Variants in C8orf76 observed in about 807,000 individuals in gnomAD.
C8orf76 encodes the protein chromosome 8 open reading frame 76.
Under a neutral mutation model 38.1 loss-of-function variants are expected in C8orf76, and 46 were observed. The observed-to-expected ratio is 1.21, with a 90% CI of 0.95 to 1.54. C8orf76 has a LOEUF of 1.54. Among genes scored for constraint, C8orf76 ranks in the 40% most tolerant of loss-of-function variants. The probability of loss-of-function intolerance (pLI) is 0.00; values close to 1 mark genes in which losing one functional copy is unlikely to be tolerated. For missense variants in C8orf76, 461 were observed against 441.6 expected (o/e 1.04, Z -0.39); for synonymous variants, 166 against 167.5 (o/e 0.99, Z 0.07).
chr8:123,226,110 T>C (rs1329031660), intron 5 of C8orf76: 12 of 1,017,266 alleles, frequency 1.2e-5, no homozygotes, highest in Admixed American at 6.0e-5. Flanking sequence ...ACAAGTTCTC[T>C]GAGCCTCAAT....
intron 1 of C8orf76, among the ~76,000 whole-genome samples, chr8:123,240,634 C>A (rs1175038232): frequency 6.6e-6 from 1 of 152,208 alleles, no homozygotes. Flanking sequence ...ATTTAGCACT[C>A]CGGGTCTCAG....
At position 123,223,703 on chromosome 8, in the gene C8orf76, T is replaced by G. The variant is rs554907490; in HGVS notation, c.948+2797A>C. The stretch of plus-strand genomic sequence containing the variant: ...ACAATATCCAAAAGGTAGAAACAAC[T>G]CAAGTATCCATCAAAAGATGAGTAG... On this transcript the variant is annotated intron_variant, in intron 5 of 5. Transcript: ENST00000276704. Among the ~76,000 whole-genome samples the G allele has an allele frequency of 2.6e-5, 4 of 152,210 alleles. No homozygotes were observed. In the South Asian group the frequency reaches 8.3e-4, roughly 32 times the overall value.
intron 5 of C8orf76, 84 bp from the exon 6 acceptor site, chr8:123,220,381 T>A (rs2131126977): frequency 1.9e-6 from 2 of 1,037,754 alleles, no homozygotes; most frequent in African/African-American, 1.6e-5. Context: ...AAGGCTTTCA[T>A]TCAAAGGCAG....
chr8:123,226,020 C>T (rs1301094707), intron 5 of C8orf76, among the ~76,000 whole-genome samples: 2 of 152,060 alleles, frequency 1.3e-5, no homozygotes, highest in South Asian at 2.1e-4. Flanking sequence ...CAGGGTAGAG[C>T]AGGAATAAAA....
intron 1 of C8orf76, among the ~76,000 whole-genome samples, chr8:123,240,676 GTA>G (rs1347256711): frequency 6.6e-6 from 1 of 152,240 alleles, no homozygotes; most frequent in Non-Finnish European, 1.5e-5. Flanking sequence ...AGTGCTTTAA[GTA>G]GAAGCTAAAT....
chr8:123,236,769 G>A (rs1250558831), intron 3 of C8orf76: 2 of 486,328 alleles, frequency 4.1e-6, no homozygotes, highest in Non-Finnish European at 7.5e-6. Flanking sequence ...GGGTGACAGA[G>A]TGAGACTCTG....
rs148597791 is a variant in C8orf76 at position 123,234,339 on chromosome 8, C to T, written c.358-2582G>A. Among the ~76,000 whole-genome samples, 247 of 152,150 alleles carry T rather than the reference C, an allele frequency of 1.6e-3. 1 individual carries two copies. Among genetic ancestry groups the T allele is most frequent in the African/African-American group, 5.8e-3 (242 of 41,500 alleles). ...AAAGTCAAGGAATAAAAGGTACTTA[C>T]GAAGAGCTGATATGGCCAGGCAAGG... On this transcript the variant is annotated intron_variant, in intron 3 of 5. Coordinates refer to ENST00000276704, the MANE Select transcript of C8orf76 (RefSeq NM_032847.3).
chr8:123,224,464 T>A, intron 5 of C8orf76, among the ~76,000 whole-genome samples: 1 of 151,946 alleles, frequency 6.6e-6, no homozygotes, highest in Non-Finnish European at 1.5e-5. Flanking sequence ...ATTTTAAAAT[T>A]AGCTGGACAT....
In C8orf76 at chr8:123,239,044, TCTAC is replaced by T; in HGVS notation, c.213+1_213+4del. 6.2e-7 allele frequency: 1 copy of T among 1,614,008 alleles called. No homozygotes were observed. Among genetic ancestry groups the T allele is most frequent in the South Asian group, 1.1e-5 (1 of 91,078 alleles). On this transcript the variant is annotated splice_donor_variant and splice_donor_region_variant and intron_variant, in intron 2 of 5. Transcript: ENST00000276704. LOFTEE classifies it high-confidence loss of function. ...CCACTTCAAGCACCATATGTTGAAT[TCTAC>T]CTGATACTCTTGTCGTCTGTAGGCC...
At chr8:123,226,407 T>C in intron 5 of C8orf76, 93 bp downstream of exon 5, 1 of 1,550,402 alleles carries the variant, frequency 6.4e-7, no homozygotes, top group South Asian at 1.2e-5. Context: ...CTTCAGTAGA[T>C]TAAATTTGGC....
intron 3 of C8orf76, among the ~76,000 whole-genome samples, 171 bp from the exon 4 acceptor site, chr8:123,231,928 C>G (rs1825285170): frequency 1.3e-5 from 2 of 152,040 alleles, no homozygotes; most frequent in Admixed American, 1.3e-4. Flanking sequence ...AACCGTAAAC[C>G]CAGAGAGATA....
intron 3 of C8orf76, among the ~76,000 whole-genome samples, chr8:123,232,709 T>C (rs1467207401): frequency 1.3e-5 from 2 of 152,184 alleles, no homozygotes; most frequent in African/African-American, 4.8e-5. Flanking sequence ...AGATAGGAGA[T>C]AAAGCCCCAT....
In C8orf76 at chr8:123,239,116, T is replaced by C. The variant is rs1825594903; in HGVS notation, c.146A>G (p.Asp49Gly). The change falls in exon 2 of 6, where the codon GAT (aspartate) becomes GGT (glycine). Residue 49 changes from aspartate to glycine, a missense_variant. Asp to Gly is a moderately conservative substitution (Grantham distance 94). Transcript: ENST00000276704. Reference protein sequence around the residue: ...QWFYEETESSDDVEVLTLKKF... With the variant: ...QWFYEETESSGDVEVLTLKKF... ...CTTGAGAGTCAGCACTTCAACATCA[T>C]CACTGCTTTCTGTTTCTTCATAAAA... The C allele has an allele frequency of 6.2e-7, 1 of 1,614,188 alleles. No homozygotes were observed. The highest frequency in any genetic ancestry group is 1.3e-5 in the African/African-American group (1 of 75,078).
chr8:123,232,077 A>C (rs1825290137), intron 3 of C8orf76, among the ~76,000 whole-genome samples: 1 of 152,200 alleles, frequency 6.6e-6, no homozygotes, highest in Non-Finnish European at 1.5e-5. Context: ...TTTTATTATA[A>C]TCTTTACTGT....
Position 123,220,117 on chromosome 8 carries a change from G to C in C8orf76, c.1129C>G (p.Gln377Glu), listed in dbSNP as rs145861909. The change falls in exon 6 of 6, where the codon CAA becomes GAA. Residue 377 changes from glutamine (Q) to glutamate (E), a missense_variant. Transcript: ENST00000276704. ...TTTATAACCCACTAAGCCAAGATTT[G>C]TATCTCTGTATGGAACTGATTTTCA... ...PFENQFHTEI[Q>E]ILA The C allele has an allele frequency of 1.2e-6, 2 of 1,604,542 alleles. No homozygotes were observed. Among genetic ancestry groups the C allele is most frequent in the Non-Finnish European group, 1.7e-6 (2 of 1,176,584 alleles).
intron 3 of C8orf76, 74 bp downstream of exon 3, chr8:123,237,724 T>C: frequency 1.3e-6 from 2 of 1,500,846 alleles, no homozygotes. Context: ...AGAAGTTTGT[T>C]TTGTTTTCAA....
intron 3 of C8orf76, among the ~76,000 whole-genome samples, chr8:123,232,066 T>C (rs1825289885): frequency 6.6e-6 from 1 of 152,214 alleles, no homozygotes; most frequent in Non-Finnish European, 1.5e-5. Context: ...TTATTTCCAA[T>C]TTTTATTATA....
chr8:123,239,005 G>A, intron 2 of C8orf76, 44 bp downstream of exon 2: 2 of 1,588,708 alleles, frequency 1.3e-6, no homozygotes, highest in Non-Finnish European at 8.6e-7. Context: ...TGCCATAACT[G>A]ATAAAACAAG....
chr8:123,237,245 G>A (rs902344344), intron 3 of C8orf76, among the ~76,000 whole-genome samples: 1 of 152,184 alleles, frequency 6.6e-6, no homozygotes, highest in Non-Finnish European at 1.5e-5. Context: ...AAAGAGCGGC[G>A]TCCTGCCCAG....
Sources: allele counts gnomAD v4.1 joint callset (sites outside exome capture counted in the v4.1 genomes callset), GRCh38; gene constraint gnomAD v4.1.1; transcripts MANE v1.5; gene names NCBI Gene and HGNC (gene_info 2026-07-23, HGNC 2026-07-21).